Variants in CDH9 observed in about 807,000 individuals in gnomAD.
The protein encoded by CDH9 is cadherin 9, also known as cadherin-9.
A neutral mutation model predicts 70.9 loss-of-function variants in CDH9; 28 were observed. The ratio of observed to expected loss-of-function variants is 0.40; its 90% CI spans 0.29 to 0.54. The LOEUF is 0.54. Ranked by LOEUF, CDH9 falls within the 20% of genes least tolerant of loss-of-function variation. CDH9 has a pLI of 0.59. For synonymous variants in CDH9, 409 were observed against 343.1 expected, an observed-to-expected ratio of 1.19 and a Z score of -2.12; for missense variants, 874 against 984.4, an observed-to-expected ratio of 0.89 and a Z score of 1.50.
At chr5:26,898,262 A>T (rs1223897319) in intron 7 of CDH9, among the ~76,000 whole-genome samples, 1 of 152,202 alleles carries the variant, frequency 6.6e-6, no homozygotes, top group Non-Finnish European at 1.5e-5. Context: ...AGTAATTTGT[A>T]GATTCAATGC....
chr5:26,922,923 G>A (rs1213646431), intron 2 of CDH9, among the ~76,000 whole-genome samples: 1 of 151,070 alleles, frequency 6.6e-6, no homozygotes, highest in Non-Finnish European at 1.5e-5. Context: ...AGTGTGGAGT[G>A]GATAATGAGG....
intron 2 of CDH9, among the ~76,000 whole-genome samples, chr5:26,980,433 TA>T (rs1226859940): frequency 1.3e-5 from 2 of 151,960 alleles, no homozygotes; most frequent in Non-Finnish European, 2.9e-5. Flanking sequence ...ATTGTCTATC[TA>T]AAGTGACCCC....
chr5:26,985,380 A>G (rs1428647), intron 2 of CDH9, among the ~76,000 whole-genome samples: 71,541 of 151,462 alleles, frequency 0.47, 17,670 homozygotes, highest in African/African-American at 0.52. Context: ...GGGTTGTCAA[A>G]TTTAAACAGC....
chr5:26,883,989 T>C (rs1262706710), intron 11 of CDH9, among the ~76,000 whole-genome samples: 1 of 152,128 alleles, frequency 6.6e-6, no homozygotes, highest in Non-Finnish European at 1.5e-5. Context: ...CGTCCAGCTA[T>C]TACCATAAAG....
intron 2 of CDH9, among the ~76,000 whole-genome samples, chr5:26,959,074 CATA>C (rs1254088576): frequency 2.6e-5 from 4 of 152,076 alleles, no homozygotes; most frequent in African/African-American, 9.7e-5. Context: ...AGATAACTTT[CATA>C]ATAAGAAGAA....
intron 2 of CDH9, among the ~76,000 whole-genome samples, chr5:26,946,988 A>G (rs1741765976): frequency 6.6e-6 from 1 of 152,180 alleles, no homozygotes; most frequent in Non-Finnish European, 1.5e-5. Flanking sequence ...AAAGTGTGCT[A>G]AAGAGATTTT....
chr5:26,967,745 G>A (rs1483799184), intron 2 of CDH9, among the ~76,000 whole-genome samples: 3 of 151,788 alleles, frequency 2.0e-5, no homozygotes, highest in Non-Finnish European at 2.9e-5. Flanking sequence ...CTGTCACCCA[G>A]GCTGGAGTAT....
chr5:26,882,783 A>G (rs1740488197), intron 11 of CDH9, among the ~76,000 whole-genome samples: 1 of 151,648 alleles, frequency 6.6e-6, no homozygotes, highest in African/African-American at 2.4e-5. Flanking sequence ...TGGCTGAAGA[A>G]GCTATTATTC....
chr5:26,950,872 G>T (rs1741832152), intron 2 of CDH9, among the ~76,000 whole-genome samples: 1 of 152,158 alleles, frequency 6.6e-6, no homozygotes, highest in Non-Finnish European at 1.5e-5. Context: ...ATGGCACAGA[G>T]TATAAGGCAG....
At chr5:26,925,390 G>A (rs1022236867) in intron 2 of CDH9, among the ~76,000 whole-genome samples, 15 of 152,094 alleles carry the variant, frequency 9.9e-5, no homozygotes, top group African/African-American at 3.4e-4. Context: ...ACTTTCTGAT[G>A]GGGTTGTTTG....
At chr5:27,005,873 T>C (rs1742853924) in intron 1 of CDH9, among the ~76,000 whole-genome samples, 1 of 152,152 alleles carries the variant, frequency 6.6e-6, no homozygotes, top group Non-Finnish European at 1.5e-5. Flanking sequence ...TGCTTGAACA[T>C]GGATGGAGCT....
intron 1 of CDH9, among the ~76,000 whole-genome samples, chr5:27,021,418 A>T (rs551442721): frequency 1.3e-5 from 2 of 152,002 alleles, no homozygotes; most frequent in Admixed American, 6.6e-5. Context: ...AATATTAATT[A>T]AAATCTCTTC....
At chr5:26,929,245 A>T (rs1007322196) in intron 2 of CDH9, among the ~76,000 whole-genome samples, 8 of 152,098 alleles carry the variant, frequency 5.3e-5, no homozygotes, top group African/African-American at 1.9e-4. Context: ...AATGTGTTCA[A>T]CATCATTGAT....
At chr5:27,027,657 C>T (rs544243866) in intron 1 of CDH9, among the ~76,000 whole-genome samples, 133 of 152,110 alleles carry the variant, frequency 8.7e-4, no homozygotes, top group African/African-American at 3.1e-3. Context: ...CCTGTCCTTA[C>T]GCTGACTATC....
intron 2 of CDH9, among the ~76,000 whole-genome samples, chr5:26,931,887 G>C (rs1335465992): frequency 2.0e-5 from 3 of 152,008 alleles, no homozygotes; most frequent in African/African-American, 7.2e-5. Context: ...AAAGAATATG[G>C]CACAGAAGAA....
chr5:27,030,252 G>A (rs1004087037), intron 1 of CDH9, among the ~76,000 whole-genome samples: 1 of 151,898 alleles, frequency 6.6e-6, no homozygotes, highest in Non-Finnish European at 1.5e-5. Context: ...GGAGAGATGG[G>A]GGAGAGGAGA....
rs551922246 is a variant in CDH9 at position 26,986,596 on chromosome 5, C to T, written c.228+1510G>A. On this transcript the variant is annotated intron_variant, in intron 2 of 11. Transcript: ENST00000231021. ...GCCTTAACTGCCTTAGGATTATGAGCGACTCTTTTATCTGTGGCTATTCTT... is the reference window on the plus strand; with the variant it reads ...GCCTTAACTGCCTTAGGATTATGAGTGACTCTTTTATCTGTGGCTATTCTT... Among the ~76,000 whole-genome samples the T allele has an allele frequency of 7.9e-5, 12 of 152,168 alleles. 1 individual carries two copies. Among genetic ancestry groups the T allele is most frequent in the South Asian group, 4.1e-4 (2 of 4,828 alleles).
intron 1 of CDH9, among the ~76,000 whole-genome samples, chr5:27,020,609 A>AT (rs1338249272): frequency 6.6e-6 from 1 of 151,572 alleles, no homozygotes. Context: ...TTAATTATAT[A>AT]TTTTTTAAGA....
At chr5:27,020,631 A>G (rs1162944316) in intron 1 of CDH9, among the ~76,000 whole-genome samples, 1 of 151,444 alleles carries the variant, frequency 6.6e-6, no homozygotes, top group Non-Finnish European at 1.5e-5. Context: ...AGTTGCACAG[A>G]CTTTTGTTTT....
Sources: allele counts gnomAD v4.1 joint callset (sites outside exome capture counted in the v4.1 genomes callset), GRCh38; gene constraint gnomAD v4.1.1; transcripts MANE v1.5; gene names NCBI Gene and HGNC (gene_info 2026-07-23, HGNC 2026-07-21).